The following ERC2 variants were observed in gnomAD, a reference collection of about 807,000 sequenced individuals.
The protein encoded by ERC2 is ELKS/RAB6-interacting/CAST family member 2.
A neutral mutation model predicts 114.8 loss-of-function variants in ERC2; 42 were observed. That is an observed-to-expected ratio of 0.37 (90% CI 0.29 to 0.47). The LOEUF is 0.47. Among genes scored for constraint, ERC2 ranks in the 20% least tolerant of loss-of-function variants. ERC2 has a pLI of 0.99. For missense variants in ERC2, 939 were observed against 1,150.7 expected (o/e 0.82, Z 2.66); for synonymous variants, 454 against 425.5 (o/e 1.07, Z -0.82).
At chr3:55,952,124 C>T (rs1428585494) in intron 12 of ERC2, among the ~76,000 whole-genome samples, 3 of 141,140 alleles carry the variant, frequency 2.1e-5, no homozygotes, top group African/African-American at 7.8e-5. Flanking sequence ...CATAGCAAGG[C>T]CCCATCTCTA....
At position 55,686,671 on chromosome 3, in the gene ERC2, T is replaced by C. The variant is rs558010535; in HGVS notation, c.2848-2812A>G. ...AAGTATCACTTGATCCTTAACTTCATGCTAAGTTGTTGAGAAATACTTGGC... is the reference window on the plus strand; with the variant it reads ...AAGTATCACTTGATCCTTAACTTCACGCTAAGTTGTTGAGAAATACTTGGC... On this transcript the variant is annotated intron_variant, in intron 16 of 17. Transcript: ENST00000288221. Among the ~76,000 whole-genome samples the C allele has an allele frequency of 1.1e-3, 174 of 152,354 alleles. 1 individual carries two copies. Among genetic ancestry groups the C allele is most frequent in the African/African-American group, 4.0e-3 (168 of 41,584 alleles).
intron 14 of ERC2, among the ~76,000 whole-genome samples, chr3:55,845,726 A>G (rs575683986): frequency 2.6e-5 from 4 of 152,366 alleles, no homozygotes; most frequent in Admixed American, 1.3e-4. Flanking sequence ...ATTGGCGTAT[A>G]ATGAATGCCT....
chr3:55,649,325 A>G (rs987432700), intron 17 of ERC2, among the ~76,000 whole-genome samples: 2 of 148,672 alleles, frequency 1.3e-5, no homozygotes, highest in African/African-American at 5.0e-5. Flanking sequence ...CAGTGGTGCA[A>G]TCTTGGCTCA....
At chr3:55,894,283 T>C (rs544406547) in intron 13 of ERC2, among the ~76,000 whole-genome samples, 74 of 152,326 alleles carry the variant, frequency 4.9e-4, no homozygotes, top group African/African-American at 1.7e-3. Flanking sequence ...TTTTCTAGGT[T>C]TCTCAACTTA....
intron 14 of ERC2, among the ~76,000 whole-genome samples, chr3:55,795,103 T>C (rs548543028): frequency 6.6e-6 from 1 of 152,298 alleles, no homozygotes; most frequent in African/African-American, 2.4e-5. Flanking sequence ...AAAACACAGC[T>C]TTTTTTAAAT....
At chr3:55,955,901 T>C (rs2067919616) in intron 12 of ERC2, among the ~76,000 whole-genome samples, 1 of 152,228 alleles carries the variant, frequency 6.6e-6, no homozygotes, top group Non-Finnish European at 1.5e-5. Flanking sequence ...CATTTCTAGC[T>C]GCGTGGCCGT....
intron 1 of ERC2, among the ~76,000 whole-genome samples, chr3:56,464,068 C>T (rs976982371): frequency 3.3e-5 from 5 of 152,148 alleles, no homozygotes; most frequent in Admixed American, 2.0e-4. Flanking sequence ...GTTTATATGT[C>T]ACGCAGCTAG....
intron 7 of ERC2, among the ~76,000 whole-genome samples, chr3:56,060,899 T>G (rs1360746189): frequency 6.6e-6 from 1 of 152,218 alleles, no homozygotes; most frequent in Non-Finnish European, 1.5e-5. Flanking sequence ...ATTACAGCTA[T>G]TGAATTCCTT....
intron 2 of ERC2, among the ~76,000 whole-genome samples, chr3:56,419,974 C>G (rs1187398116): frequency 6.6e-6 from 1 of 152,132 alleles, no homozygotes; most frequent in African/African-American, 2.4e-5. Context: ...ATCTGGCCAT[C>G]ATGTGCACTG....
intron 12 of ERC2, among the ~76,000 whole-genome samples, chr3:55,974,374 G>A (rs2069414262): frequency 6.6e-6 from 1 of 152,192 alleles, no homozygotes; most frequent in African/African-American, 2.4e-5. Flanking sequence ...CAGATACTGT[G>A]CTGCAGAGAA....
chr3:55,628,707 A>G (rs909148709), intron 17 of ERC2, among the ~76,000 whole-genome samples: 15 of 152,192 alleles, frequency 9.9e-5, no homozygotes. Context: ...AAGAAGATGA[A>G]AAGCGGAAGG....
At chr3:55,824,017 A>G (rs1482886917) in intron 14 of ERC2, among the ~76,000 whole-genome samples, 1 of 152,130 alleles carries the variant, frequency 6.6e-6, no homozygotes, top group African/African-American at 2.4e-5. Context: ...CTGTGTCCTC[A>G]CATGGTCTTT....
chr3:55,735,505 C>A (rs1384136936), intron 14 of ERC2, among the ~76,000 whole-genome samples: 2 of 152,174 alleles, frequency 1.3e-5, no homozygotes, highest in Non-Finnish European at 2.9e-5. Context: ...AGCAAAGCTT[C>A]CTTTTATAAC....
At chr3:56,057,674 T>A (rs2076074644) in intron 7 of ERC2, among the ~76,000 whole-genome samples, 1 of 152,212 alleles carries the variant, frequency 6.6e-6, no homozygotes, top group African/African-American at 2.4e-5. Flanking sequence ...TCATTGTATT[T>A]CACATGTATT....
chr3:56,189,997 G>A (rs933182173), intron 3 of ERC2, among the ~76,000 whole-genome samples: 1 of 152,198 alleles, frequency 6.6e-6, no homozygotes, highest in African/African-American at 2.4e-5. Flanking sequence ...GAGTTTTATA[G>A]TGTTCAAAAT....
rs1258445506 is a variant in ERC2, at chr3:55,897,391, T to G, written c.2404-8842A>C. On this transcript the variant is annotated intron_variant, in intron 13 of 17. Transcript: ENST00000288221. ...TATTTTCTGTTAATGATTTGGAATT[T>G]TTAAAGCCATATTTCAAAAACAGAC... 2.6e-5 allele frequency among the ~76,000 whole-genome samples: 4 copies of G among 152,346 alleles called. No individual in the cohort carries two copies. The East Asian group carries it at 7.7e-4, about 29-fold the overall frequency.
chr3:56,457,619 G>A (rs1292233745), intron 1 of ERC2, among the ~76,000 whole-genome samples: 1 of 151,960 alleles, frequency 6.6e-6, no homozygotes, highest in Non-Finnish European at 1.5e-5. Flanking sequence ...TCTCCTCAAT[G>A]GCTCACAGGG....
chr3:56,060,830 C>A (rs1051061546), intron 7 of ERC2, among the ~76,000 whole-genome samples: 1 of 152,320 alleles, frequency 6.6e-6, no homozygotes, highest in South Asian at 2.1e-4. Context: ...TGCCCCTGCC[C>A]CTACTGCCCC....
At chr3:56,080,696 A>G (rs769475112) in intron 7 of ERC2, 121 bp downstream of exon 7, 77 of 972,704 alleles carry the variant, frequency 7.9e-5, no homozygotes, top group Non-Finnish European at 1.1e-4. Context: ...CCAGTATGAA[A>G]ATCAGCCTAT....
Sources: allele counts gnomAD v4.1 joint callset (sites outside exome capture counted in the v4.1 genomes callset), GRCh38; gene constraint gnomAD v4.1.1; transcripts MANE v1.5; gene names NCBI Gene and HGNC (gene_info 2026-07-23, HGNC 2026-07-21).